BNC2: variants seen among roughly 807,000 people sequenced by gnomAD.
BNC2 encodes basonuclin zinc finger protein 2, also known as zinc finger protein basonuclin-2.
BNC2 carries 20 observed loss-of-function variants against 76.3 expected under a neutral mutation model. The observed-to-expected ratio is 0.26, with a 90% CI of 0.18 to 0.38. BNC2 has a LOEUF of 0.38. BNC2 is among the 10% of genes least tolerant of loss of function. BNC2 has a pLI of 1.00. For synonymous variants in BNC2, 582 were observed against 514.8 expected (o/e 1.13, Z -1.77); for missense variants, 1,382 against 1,399.8 (o/e 0.99, Z 0.20).
At chr9:16,590,961 G>T (rs920422847) in intron 3 of BNC2, among the ~76,000 whole-genome samples, 1 of 152,288 alleles carries the variant, frequency 6.6e-6, no homozygotes, top group East Asian at 1.9e-4. Flanking sequence ...GATGCAGAGA[G>T]TGATCTTATA....
Position 16,426,325 on chromosome 9 carries a change from CT to C in BNC2, c.2640-6677del, listed in dbSNP as rs34622231. ...TACAGGCATGTGCCACCATGCCCAG[CT>C]TTTTTTTTTTTTTTTGTCAGTATAG... On this transcript the variant is annotated intron_variant, in intron 6 of 6. Transcript: ENST00000380672. Among the ~76,000 whole-genome samples, 1,240 of 136,898 alleles carry C rather than the reference CT, an allele frequency of 9.1e-3. 5 individuals carry two copies. The highest frequency in any genetic ancestry group is 0.027 in the Middle Eastern group (7 of 258). The allele number at this position is 136,898 out of a possible 152,430, so 89.8% of individuals were successfully genotyped here. A position where few individuals can be genotyped will look rare whatever the true frequency, so the allele number is the denominator to read the frequency against.
chr9:16,707,197 G>GCCCC (rs143519773), intron 3 of BNC2, among the ~76,000 whole-genome samples: 2 of 147,862 alleles, frequency 1.4e-5, no homozygotes, highest in African/African-American at 5.0e-5. Context: ...GCAAGACTCC[G>GCCCC]CCCCCCCGCC....
intron 3 of BNC2, among the ~76,000 whole-genome samples, chr9:16,671,591 C>G (rs1455010685): frequency 1.3e-5 from 2 of 152,148 alleles, no homozygotes; most frequent in East Asian, 3.9e-4. Flanking sequence ...CTATGCATCA[C>G]TTCCAAAATA....
intron 5 of BNC2, among the ~76,000 whole-genome samples, chr9:16,451,829 G>A (rs755510280): frequency 2.6e-5 from 4 of 151,972 alleles, no homozygotes; most frequent in South Asian, 2.1e-4. Flanking sequence ...CAGGTTTATC[G>A]TCCTTGATAT....
rs144299500 is a variant in BNC2 at position 16,561,126 on chromosome 9, C to A, written c.434-8361G>T. On this transcript the variant is annotated intron_variant, in intron 4 of 6. Transcript: ENST00000380672. ...TGGTGGTGGGCACCTGTAATCCCAG[C>A]TACTCAGGAGGCTGAGATAGGAGAA... 8.6e-3 allele frequency among the ~76,000 whole-genome samples: 1,308 copies of A among 152,118 alleles called. 20 individuals are homozygous for A. Among genetic ancestry groups the A allele is most frequent in the South Asian group, 0.04 (194 of 4,820 alleles).
At chr9:16,495,142 C>G (rs566082380) in intron 5 of BNC2, among the ~76,000 whole-genome samples, 1 of 152,220 alleles carries the variant, frequency 6.6e-6, no homozygotes, top group African/African-American at 2.4e-5. Context: ...GGGATTATTA[C>G]AGCCTGAATA....
At chr9:16,738,110 T>C (rs573634925) in intron 2 of BNC2, among the ~76,000 whole-genome samples, 1 of 152,160 alleles carries the variant, frequency 6.6e-6, no homozygotes, top group Non-Finnish European at 1.5e-5. Flanking sequence ...AGAGAAACAA[T>C]AGAAGGCAGA....
At chr9:16,582,537 T>C (rs1209992846) in intron 4 of BNC2, among the ~76,000 whole-genome samples, 1 of 152,104 alleles carries the variant, frequency 6.6e-6, no homozygotes, top group African/African-American at 2.4e-5. Context: ...CCATACAACA[T>C]TTAACATCTA....
chr9:16,418,897 A>C lies in BNC2; in HGVS notation c.*92T>G. 1 of 1,400,786 alleles carries C rather than the reference A, an allele frequency of 7.1e-7. No homozygotes were observed. Among genetic ancestry groups the C allele is most frequent in the South Asian group, 1.2e-5 (1 of 86,110 alleles). The allele number at this position is 1,400,786 out of a possible 1,614,324, so 86.8% of individuals were successfully genotyped here. ...TGCACACACACACACACACACACAC[A>C]CACCCCAAGTACATAAGCGCACACT... is the stretch of plus-strand genomic sequence containing the variant. On this transcript the variant is annotated 3_prime_UTR_variant, in exon 7 of 7. Transcript: ENST00000380672.
intron 3 of BNC2, among the ~76,000 whole-genome samples, chr9:16,663,288 G>A (rs990834753): frequency 4.6e-5 from 7 of 151,650 alleles, no homozygotes; most frequent in Admixed American, 2.6e-4. Context: ...GCCCGCCACC[G>A]TCCCTGGCTA....
In BNC2 at chr9:16,418,435, A is replaced by C. The variant is rs1268771436; in HGVS notation, c.*554T>G. ...AAACAACCATCAATACAATTGTTTT[A>C]CATCAATGGCCCCTCAAGGCTAAAT... On this transcript the variant is annotated 3_prime_UTR_variant, in exon 7 of 7. Transcript: ENST00000380672. 7.9e-6 allele frequency: 1 copy of C among 125,846 alleles called. No homozygotes were observed. The highest frequency in any genetic ancestry group is 1.7e-5 in the Non-Finnish European group (1 of 58,824). 7.8% of individuals were successfully genotyped at this position (125,846 alleles called of 1,614,324 possible).
chr9:16,577,945 G>A (rs1819530765), intron 4 of BNC2, among the ~76,000 whole-genome samples: 1 of 152,100 alleles, frequency 6.6e-6, no homozygotes, highest in African/African-American at 2.4e-5. Flanking sequence ...TGCTGTGGGT[G>A]CGTTAAGCTA....
At chr9:16,577,516 C>T (rs1329637566) in intron 4 of BNC2, among the ~76,000 whole-genome samples, 1 of 151,968 alleles carries the variant, frequency 6.6e-6, no homozygotes, top group Non-Finnish European at 1.5e-5. Flanking sequence ...TGGCACAATC[C>T]TTCATGTATG....
chr9:16,846,819 T>C (rs963676827), intron 1 of BNC2, among the ~76,000 whole-genome samples: 3 of 152,302 alleles, frequency 2.0e-5, no homozygotes, highest in East Asian at 1.9e-4. Context: ...TTTGAAAACT[T>C]TGAGTAAAAA....
At chr9:16,748,209 A>G (rs1825066382) in intron 1 of BNC2, among the ~76,000 whole-genome samples, 1 of 152,188 alleles carries the variant, frequency 6.6e-6, no homozygotes, top group Non-Finnish European at 1.5e-5. Context: ...TGCTAGAAAT[A>G]CCTTTCAGGA....
intron 5 of BNC2, among the ~76,000 whole-genome samples, chr9:16,457,349 C>G (rs1326492956): frequency 6.6e-6 from 1 of 152,044 alleles, no homozygotes; most frequent in Non-Finnish European, 1.5e-5. Flanking sequence ...GTCCAGGTCC[C>G]TAAGATCAGT....
At chr9:16,677,606 C>CACACACACACACACACACAG (rs1455196025) in intron 3 of BNC2, among the ~76,000 whole-genome samples, 151 of 151,364 alleles carry the variant, frequency 1.0e-3, no homozygotes, top group African/African-American at 3.4e-3. Context: ...CACACACACA[C>CACACACACACACACACACAG]AGTAGCAATA....
intron 1 of BNC2, among the ~76,000 whole-genome samples, chr9:16,853,169 G>A (rs1819167876): frequency 1.3e-5 from 2 of 152,064 alleles, no homozygotes; most frequent in Admixed American, 6.6e-5. Context: ...TGTAATCCCA[G>A]CACTTTGGGA....
At chr9:16,854,066 G>T (rs1246852704) in intron 1 of BNC2, among the ~76,000 whole-genome samples, 1 of 152,174 alleles carries the variant, frequency 6.6e-6, no homozygotes, top group Non-Finnish European at 1.5e-5. Context: ...CTGCTCCCTG[G>T]ACCACCAACT....
Sources: allele counts gnomAD v4.1 joint callset (sites outside exome capture counted in the v4.1 genomes callset), GRCh38; gene constraint gnomAD v4.1.1; transcripts MANE v1.5; gene names NCBI Gene and HGNC (gene_info 2026-07-23, HGNC 2026-07-21).